NPHP3: variants seen among roughly 807,000 people sequenced by gnomAD.
NPHP3 encodes the protein nephrocystin 3.
A neutral mutation model predicts 171.9 loss-of-function variants in NPHP3; 123 were observed. The observed-to-expected ratio is 0.72, with a 90% CI of 0.62 to 0.83. NPHP3 has a LOEUF of 0.83. NPHP3 is among the 40% of genes least tolerant of loss of function. NPHP3 has a pLI of 0.00. For missense variants in NPHP3, 1,506 were observed against 1,591.9 expected (o/e 0.95, Z 0.92); for synonymous variants, 558 against 579.2 (o/e 0.96, Z 0.52).
At chr3:132,721,815 G>C (rs1326352279) in intron 1 of NPHP3, 148 bp downstream of exon 1, 28 of 995,528 alleles carry the variant, frequency 2.8e-5, no homozygotes, top group Non-Finnish European at 4.1e-5. Context: ...GAGGGTTAAG[G>C]AATCATTTCA....
intron 1 of NPHP3, among the ~76,000 whole-genome samples, chr3:132,720,047 C>A (rs931676169): frequency 6.6e-6 from 1 of 152,074 alleles, no homozygotes; most frequent in Non-Finnish European, 1.5e-5. Flanking sequence ...AAATAAAGAC[C>A]AACATTAAGC....
chr3:132,711,752 C>G (rs1451266284), intron 6 of NPHP3, among the ~76,000 whole-genome samples: 1 of 152,038 alleles, frequency 6.6e-6, no homozygotes, highest in East Asian at 1.9e-4. Context: ...TAAGATATAT[C>G]CTTAATAAAT....
In NPHP3 at chr3:132,692,684, T is replaced by C; in HGVS notation, c.2445A>G (p.Gly815=). 1 of 1,613,960 alleles carries C rather than the reference T, an allele frequency of 6.2e-7. No homozygotes were observed. The highest frequency in any genetic ancestry group is 8.5e-7 in the Non-Finnish European group (1 of 1,179,936). Residue 815 remains glycine (G), a synonymous_variant, in exon 17 of 27, where the codon GGA becomes GGG. Transcript: ENST00000337331. ...GATGTTGAAACCTAAGCAAGCCACA[T>C]CCATAAGTCAACAAACACATTTTGT... ...SLYKMCLLTY[G]CGLLRFQHLQ... is the part of the protein sequence containing the mutation.
rs1251587656 is a variant in NPHP3, at chr3:132,719,783, A to T, written c.441T>A (p.Ala147=). The T allele has an allele frequency of 1.9e-6, 3 of 1,602,270 alleles. No individual in the cohort carries two copies. Among genetic ancestry groups the T allele is most frequent in the East Asian group, 4.5e-5 (2 of 44,556 alleles). Reference sequence around the variant, plus strand: ...CCATTGCTTGGTATTTCGCTTCTAAAGCACTTTCTTTTTCTCGAAGTATCT... The same window carrying T: ...CCATTGCTTGGTATTTCGCTTCTAATGCACTTTCTTTTTCTCGAAGTATCT... ...YQKILREKES[A]LEAKYQAMER... The change falls in exon 2 of 27, where the codon GCT becomes GCA. Residue 147 remains alanine, a synonymous_variant. Coordinates refer to ENST00000337331, the MANE Select transcript of NPHP3 (RefSeq NM_153240.5).
intron 5 of NPHP3, among the ~76,000 whole-genome samples, chr3:132,713,986 G>A (rs953783904): frequency 6.6e-6 from 1 of 152,210 alleles, no homozygotes; most frequent in African/African-American, 2.4e-5. Context: ...AACACTGGTA[G>A]GCAAGCTTTT....
intron 6 of NPHP3, among the ~76,000 whole-genome samples, chr3:132,710,377 T>C (rs1939876442): frequency 6.8e-6 from 1 of 147,352 alleles, no homozygotes; most frequent in African/African-American, 2.5e-5. Flanking sequence ...ATGAAACCAA[T>C]AATAGGGCCT....
rs753397618 is a variant in NPHP3, at chr3:132,687,214, A to G, written c.3138T>C (p.Ala1046=). ...TAAAGGATTTTTTCCTAAAATGTTC[A>G]GCTTGTTCATATCTTAAAAAAAAAT... ...LYQKQNKYEQ[A]EHFRKKSFKI... is the part of the protein sequence containing the mutation. The change falls in exon 22 of 27, where the codon GCT becomes GCC. Residue 1046 remains alanine (A), a synonymous_variant. Coordinates refer to ENST00000337331, the MANE Select transcript of NPHP3 (RefSeq NM_153240.5). The G allele has an allele frequency of 2.2e-6, 3 of 1,388,710 alleles. No individual in the cohort carries two copies. In the South Asian group the frequency reaches 3.5e-5, roughly 16 times the overall value. The allele number at this position is 1,388,710 out of a possible 1,614,324, so 86.0% of individuals were successfully genotyped here.
rs1029742219 is a variant in NPHP3 at position 132,715,327 on chromosome 3, C to T, written c.824-109G>A. On this transcript the variant is annotated intron_variant, in intron 4 of 26. Transcript: ENST00000337331. Reference sequence around the variant, plus strand: ...CATCATAGAATGGAATCTGATCTTACATGTTAATACTGCCATACCTTCTAG... The same window carrying T: ...CATCATAGAATGGAATCTGATCTTATATGTTAATACTGCCATACCTTCTAG... 5 of 841,590 alleles carry T rather than the reference C, an allele frequency of 5.9e-6. No homozygotes were observed. The African/African-American group carries it at 8.4e-5, about 14-fold the overall frequency. The allele number at this position is 841,590 out of a possible 1,614,324, so 52.1% of individuals were successfully genotyped here.
At chr3:132,685,725 C>T (rs1485508886) in intron 23 of NPHP3, 1 of 155,484 alleles carries the variant, frequency 6.4e-6, no homozygotes, top group East Asian at 1.9e-4. Context: ...ATATAAAATA[C>T]ACCAGGGAAG....
At position 132,681,842 on chromosome 3, in the gene NPHP3, T is replaced by C; in HGVS notation, c.*68A>G. On this transcript the variant is annotated 3_prime_UTR_variant, in exon 27 of 27. Transcript: ENST00000337331. ...TACAACATTTTTTTAAAGTTTCAAA[T>C]TCAAATGTTCCAAATGTTTAATTAT... The C allele has an allele frequency of 7.0e-7, 1 of 1,428,070 alleles. No homozygotes were observed. The highest frequency in any genetic ancestry group is 1.2e-5 in the South Asian group (1 of 85,924). The allele number at this position is 1,428,070 out of a possible 1,614,324, so 88.5% of individuals were successfully genotyped here.
intron 25 of NPHP3, 55 bp downstream of exon 25, chr3:132,683,344 A>G (rs1939078557): frequency 1.3e-5 from 20 of 1,495,544 alleles, no homozygotes; most frequent in Non-Finnish European, 1.9e-5. Flanking sequence ...ATGTTTACCT[A>G]TGTTTTATAC....
intron 17 of NPHP3, among the ~76,000 whole-genome samples, chr3:132,692,107 TAC>T (rs947814733): frequency 6.6e-6 from 1 of 152,232 alleles, no homozygotes; most frequent in Non-Finnish European, 1.5e-5. Flanking sequence ...CACAAATACT[TAC>T]AGTTACACAC....
chr3:132,682,030 T>C lies in NPHP3; in HGVS notation c.3873A>G (p.Lys1291=). ...CACCCAAGAGTGATGTTTCTGCTTC[T>C]TTTATTTCCATTGCCCTTTTGTATA... ...AELYKRAMEI[K]EAETSLLGGK... The change falls in exon 27 of 27, where the codon AAA becomes AAG. Residue 1291 remains lysine, a synonymous_variant. Transcript: ENST00000337331. 6.2e-7 allele frequency: 1 copy of C among 1,614,114 alleles called. No homozygotes were observed. The highest frequency in any genetic ancestry group is 8.5e-7 in the Non-Finnish European group (1 of 1,179,944).
intron 14 of NPHP3, 40 bp downstream of exon 14, chr3:132,697,220 T>C: frequency 7.8e-7 from 1 of 1,277,160 alleles, no homozygotes; most frequent in Non-Finnish European, 1.1e-6. Flanking sequence ...ATAGGAAAGA[T>C]GAGAGAGTAA....
Position 132,717,239 on chromosome 3 carries a change from T to C in NPHP3, c.671-330A>G, listed in dbSNP as rs1940078558. The C allele has an allele frequency of 5.1e-5, 13 of 253,856 alleles. No individual in the cohort carries two copies. The South Asian group carries it at 5.4e-4, about 11-fold the overall frequency. 15.7% of individuals were successfully genotyped at this position (253,856 alleles called of 1,614,324 possible). ...TAAAAAACATTTCCAACTGTACAGC[T>C]TAGACACCAGTTAAAATCTGAAGGA... is the stretch of plus-strand genomic sequence containing the variant. On this transcript the variant is annotated intron_variant, in intron 3 of 26. Coordinates refer to ENST00000337331, the MANE Select transcript of NPHP3 (RefSeq NM_153240.5).
intron 5 of NPHP3, 140 bp from the exon 6 acceptor site, chr3:132,713,426 C>A (rs888378803): frequency 1.6e-5 from 8 of 498,074 alleles, no homozygotes; most frequent in Non-Finnish European, 2.7e-5. Context: ...AAAATAATCA[C>A]ATTTTAAAGA....
chr3:132,719,088 C>T lies in NPHP3; in HGVS notation c.576G>A (p.Glu192=), dbSNP rs761545871. Residue 192 remains glutamate, a synonymous_variant, in exon 3 of 27, where the codon GAG becomes GAA. Coordinates refer to ENST00000337331, the MANE Select transcript of NPHP3 (RefSeq NM_153240.5). ...GTAGCCTCTGAAGTTTGCTCTCCAA[C>T]TCCCTCTTGGCCCTCAGTAAGTCCT... The part of the protein sequence containing the change: ...EIQDLLRAKR[E]LESKLQRLQA... 2.5e-5 allele frequency: 40 copies of T among 1,613,750 alleles called. No homozygotes were observed. Among genetic ancestry groups the T allele is most frequent in the Non-Finnish European group, 3.4e-5 (40 of 1,179,742 alleles).
intron 6 of NPHP3, among the ~76,000 whole-genome samples, 155 bp downstream of exon 6, chr3:132,712,966 ATTATT>A (rs1176262399): frequency 6.6e-6 from 1 of 151,748 alleles, no homozygotes; most frequent in Admixed American, 6.6e-5. Context: ...AAAACTTTTA[ATTATT>A]TTATTTAAGT....
Position 132,681,505 on chromosome 3 carries a change from T to C in NPHP3, c.*405A>G, listed in dbSNP as rs755878327. ...CTGGTCTCCAACTCCTGGCCTCAAG[T>C]GATCCTCCTGCATCACCCTCCCAAA... On this transcript the variant is annotated 3_prime_UTR_variant, in exon 27 of 27. Transcript: ENST00000337331. 1.3e-5 allele frequency: 3 copies of C among 223,180 alleles called. No individual in the cohort carries two copies. The highest frequency in any genetic ancestry group is 2.7e-5 in the Non-Finnish European group (3 of 110,956). The allele number at this position is 223,180 out of a possible 1,614,324, so 13.8% of individuals were successfully genotyped here.
Sources: gnomAD v4.1 joint callset for allele counts (sites outside exome capture counted in the v4.1 genomes callset) on GRCh38, gnomAD v4.1.1 for gene constraint, MANE v1.5 for transcripts, NCBI Gene and HGNC (gene_info 2026-07-23, HGNC 2026-07-21) for gene names.